The following SCN11A variants were observed in gnomAD, a reference collection of about 807,000 sequenced individuals.
SCN11A encodes the protein sodium channel protein type 11 subunit alpha.
In SCN11A, 122 loss-of-function variants were observed where a neutral mutation model predicts 162.2. That is an observed-to-expected ratio of 0.75 (90% CI 0.65 to 0.87). The LOEUF (loss-of-function observed/expected upper bound fraction) is 0.87. SCN11A is among the 40% of genes least tolerant of loss of function. The pLI is 0.00. For missense variants in SCN11A, 2,015 were observed against 2,181.6 expected (o/e 0.92, Z 1.52); for synonymous variants, 758 against 751.5 (o/e 1.01, Z -0.14).
intron 2 of SCN11A, among the ~76,000 whole-genome samples, chr3:38,990,271 G>A (rs957036147): frequency 2.6e-5 from 4 of 152,026 alleles, no homozygotes; most frequent in Non-Finnish European, 5.9e-5. Context: ...GCTGGGCCCC[G>A]GGCTCCCTGC....
intron 1 of SCN11A, among the ~76,000 whole-genome samples, chr3:39,034,034 C>T (rs147670581): frequency 6.8e-4 from 103 of 152,112 alleles, no homozygotes; most frequent in African/African-American, 2.5e-3. Flanking sequence ...TGGTGGTGTG[C>T]ATCTGTAATC....
At position 38,872,281 on chromosome 3, in the gene SCN11A, G is replaced by A. The variant is rs779400140; in HGVS notation, c.3407C>T (p.Thr1136Ile). The A allele has an allele frequency of 6.2e-7, 1 of 1,600,046 alleles. No individual in the cohort carries two copies. The highest frequency in any genetic ancestry group is 8.6e-7 in the Non-Finnish European group (1 of 1,167,434). ...CTTCAATTCCATTAAGTTAATGAGGGTGGTCACAGAGACCTGATGGGAAGA... is the reference window on the plus strand; with the variant it reads ...CTTCAATTCCATTAAGTTAATGAGGATGGTCACAGAGACCTGATGGGAAGA... ...DFIIVIVSVTTLINLMELKSF... is the reference protein window; with the variant it reads ...DFIIVIVSVTILINLMELKSF... Residue 1136 changes from threonine to isoleucine, a missense_variant, in exon 24 of 30, where the codon ACC becomes ATC. Physicochemically the swap from Thr to Ile is moderately conservative, Grantham distance 89 (BLOSUM62 -1). Coordinates refer to ENST00000302328, the MANE Select transcript of SCN11A (RefSeq NM_001349253.2).
chr3:38,846,138 A>AGAG lies in SCN11A; in HGVS notation c.*553_*555dup. The AGAG allele has an allele frequency of 6.6e-6, 1 of 152,330 alleles. No individual in the cohort carries two copies. Among genetic ancestry groups the AGAG allele is most frequent in the East Asian group, 1.9e-4 (1 of 5,174 alleles). The allele number at this position is 152,330 out of a possible 1,614,324, so 9.4% of individuals were successfully genotyped here. On this transcript the variant is annotated 3_prime_UTR_variant, in exon 30 of 30. Transcript: ENST00000302328. Reference sequence around the variant, plus strand: ...TTTCTTTTCTTTTCTTTTTTGAAACAGAGTCTCACTCTGTCACCAGGCTGG... The same window carrying AGAG: ...TTTCTTTTCTTTTCTTTTTTGAAACAGAGGAGTCTCACTCTGTCACCAGGCTGG...
At chr3:38,966,346 A>G (rs1286125800) in intron 2 of SCN11A, among the ~76,000 whole-genome samples, 2 of 152,234 alleles carry the variant, frequency 1.3e-5, no homozygotes, top group Non-Finnish European at 2.9e-5. Context: ...GTCATAGTTC[A>G]TTATTATCAT....
At chr3:38,855,387 G>A (rs2064851018) in intron 28 of SCN11A, among the ~76,000 whole-genome samples, 6 of 152,206 alleles carry the variant, frequency 3.9e-5, no homozygotes, top group Admixed American at 3.3e-4. Flanking sequence ...AGGAGAGTCT[G>A]CACTTGGACC....
intron 2 of SCN11A, among the ~76,000 whole-genome samples, chr3:39,012,576 G>A (rs2031177433): frequency 6.6e-6 from 1 of 150,430 alleles, no homozygotes; most frequent in African/African-American, 2.5e-5. Context: ...CACCTCCCAG[G>A]TTCAAGCAAT....
At chr3:39,041,999 T>C (rs2032058237) in intron 1 of SCN11A, among the ~76,000 whole-genome samples, 1 of 152,138 alleles carries the variant, frequency 6.6e-6, no homozygotes, top group South Asian at 2.1e-4. Context: ...GCCGGCACAG[T>C]GGCTCATGCC....
intron 28 of SCN11A, among the ~76,000 whole-genome samples, chr3:38,856,377 T>C (rs903469890): frequency 2.8e-4 from 43 of 152,088 alleles, no homozygotes; most frequent in African/African-American, 1.0e-3. Context: ...AGAGTCACAG[T>C]TCCTCCCTAC....
intron 21 of SCN11A, among the ~76,000 whole-genome samples, chr3:38,884,743 C>T (rs1296447632): frequency 1.3e-5 from 2 of 152,230 alleles, no homozygotes; most frequent in Non-Finnish European, 2.9e-5. Flanking sequence ...TCCAGATGCT[C>T]TTCTAAGTGA....
At chr3:39,033,173 G>C (rs1032138945) in intron 1 of SCN11A, among the ~76,000 whole-genome samples, 5 of 151,628 alleles carry the variant, frequency 3.3e-5, no homozygotes, top group Admixed American at 6.6e-5. Context: ...AAAAGAGAGA[G>C]AGAGAGAAAA....
chr3:38,960,484 G>A (rs907483041), intron 2 of SCN11A, among the ~76,000 whole-genome samples, 61 bp from the exon 3 acceptor site: 2 of 152,196 alleles, frequency 1.3e-5, no homozygotes, highest in African/African-American at 4.8e-5. Flanking sequence ...TTAAAGAATT[G>A]TGTAGGAAAC....
chr3:38,856,864 A>G (rs1166983357), intron 28 of SCN11A, among the ~76,000 whole-genome samples: 1 of 152,210 alleles, frequency 6.6e-6, no homozygotes, highest in Non-Finnish European at 1.5e-5. Context: ...AGGGAAAGCC[A>G]GTGCACAATG....
At chr3:38,947,680 T>C (rs1354421224) in intron 5 of SCN11A, among the ~76,000 whole-genome samples, 1 of 152,150 alleles carries the variant, frequency 6.6e-6, no homozygotes, top group African/African-American at 2.4e-5. Context: ...GCCCATTTTC[T>C]CCTAGCATGA....
chr3:38,982,898 A>G (rs762236253), intron 2 of SCN11A, among the ~76,000 whole-genome samples: 36 of 152,312 alleles, frequency 2.4e-4, no homozygotes, highest in Middle Eastern at 3.4e-3. Context: ...ATAGCCATGA[A>G]CACTTACTGA....
At chr3:38,925,957 A>G (rs550671091) in intron 8 of SCN11A, among the ~76,000 whole-genome samples, 1 of 152,354 alleles carries the variant, frequency 6.6e-6, no homozygotes, top group East Asian at 1.9e-4. Flanking sequence ...AATAACGAAG[A>G]GCACACAATC....
At chr3:39,036,657 G>GA (rs59254916) in intron 1 of SCN11A, among the ~76,000 whole-genome samples, 32,051 of 152,112 alleles carry the variant, frequency 0.21, 5,187 homozygotes, top group African/African-American at 0.45. Context: ...AACTCTGTAA[G>GA]AAAAAATCTA....
intron 23 of SCN11A, among the ~76,000 whole-genome samples, chr3:38,878,755 T>C (rs913261819): frequency 6.6e-6 from 1 of 152,150 alleles, no homozygotes; most frequent in Non-Finnish European, 1.5e-5. Flanking sequence ...CATGTAATAC[T>C]GATTAACTCA....
chr3:38,999,320 C>CT (rs2030740397), intron 2 of SCN11A, among the ~76,000 whole-genome samples: 1 of 152,084 alleles, frequency 6.6e-6, no homozygotes, highest in Non-Finnish European at 1.5e-5. Flanking sequence ...TTTTGGTGTG[C>CT]TTTTTTTCTA....
chr3:38,936,805 G>A (rs894270022), intron 7 of SCN11A, among the ~76,000 whole-genome samples: 1 of 152,060 alleles, frequency 6.6e-6, no homozygotes, highest in South Asian at 2.1e-4. Flanking sequence ...CCCAAGGTAA[G>A]TTATAGATTC....
Sources: allele counts gnomAD v4.1 joint callset (sites outside exome capture counted in the v4.1 genomes callset), GRCh38; gene constraint gnomAD v4.1.1; transcripts MANE v1.5; gene names NCBI Gene and HGNC (gene_info 2026-07-23, HGNC 2026-07-21).